Variants in ATP10B observed in about 807,000 individuals in gnomAD.
ATP10B encodes the protein phospholipid-transporting ATPase VB.
A neutral mutation model predicts 141.2 loss-of-function variants in ATP10B; 122 were observed. The ratio of observed to expected loss-of-function variants is 0.86; its 90% CI spans 0.75 to 1.00. The LOEUF (loss-of-function observed/expected upper bound fraction) is 1.00. ATP10B is among the 50% of genes least tolerant of loss of function. The pLI, the probability that ATP10B is intolerant of heterozygous loss-of-function variation, is 0.00. For synonymous variants in ATP10B, 685 were observed against 692.0 expected, an observed-to-expected ratio of 0.99 and a Z score of 0.16; for missense variants, 1,876 against 1,825.3, an observed-to-expected ratio of 1.03 and a Z score of -0.51.
intron 13 of ATP10B, among the ~76,000 whole-genome samples, chr5:160,631,198 G>T (rs948350588): frequency 1.3e-5 from 2 of 152,162 alleles, no homozygotes; most frequent in African/African-American, 2.4e-5. Context: ...AGATTGCTGG[G>T]GCTCCCTGTG....
chr5:160,709,531 G>C (rs973793912), intron 3 of ATP10B, among the ~76,000 whole-genome samples: 3 of 151,762 alleles, frequency 2.0e-5, no homozygotes, highest in African/African-American at 4.8e-5. Context: ...GGTGAAAAAT[G>C]AGAAGTCTAA....
At chr5:160,891,491 C>T in the ATP10B span, among the ~76,000 whole-genome samples, 4 of 152,050 alleles carry the variant, frequency 2.6e-5, no homozygotes, top group South Asian at 2.1e-4. Context: ...AGTCTCGCTC[C>T]GTCACCCAGG....
chr5:160,887,624 T>G, the ATP10B span, among the ~76,000 whole-genome samples: 1 of 152,160 alleles, frequency 6.6e-6, no homozygotes, highest in Non-Finnish European at 1.5e-5. Flanking sequence ...GACCTCAACC[T>G]TGCTGTGTCT....
chr5:160,760,302 A>G (rs1283199869), intron 2 of ATP10B, among the ~76,000 whole-genome samples: 5 of 152,198 alleles, frequency 3.3e-5, no homozygotes, highest in Non-Finnish European at 5.9e-5. Context: ...GCATTTTGAA[A>G]TAAGCAATAA....
At chr5:160,884,049 AC>A in the ATP10B span, among the ~76,000 whole-genome samples, 1 of 152,174 alleles carries the variant, frequency 6.6e-6, no homozygotes, top group Non-Finnish European at 1.5e-5. Flanking sequence ...ATTTTTCTCT[AC>A]AGCATATTGT....
chr5:160,894,128 C>A, the ATP10B span, among the ~76,000 whole-genome samples: 1 of 152,010 alleles, frequency 6.6e-6, no homozygotes, highest in Non-Finnish European at 1.5e-5. Flanking sequence ...TAAACCAGAA[C>A]GCGCCTCTTC....
At chr5:160,679,489 C>T (rs549930474) in intron 6 of ATP10B, among the ~76,000 whole-genome samples, 7 of 152,322 alleles carry the variant, frequency 4.6e-5, no homozygotes, top group African/African-American at 1.7e-4. Context: ...TCCTTCAGGG[C>T]TCTCCTGAAA....
chr5:160,841,520 A>G (rs1775808727), intron 1 of ATP10B, among the ~76,000 whole-genome samples: 1 of 152,172 alleles, frequency 6.6e-6, no homozygotes, highest in African/African-American at 2.4e-5. Context: ...TTTGATATTT[A>G]GATGTAGTTT....
intron 24 of ATP10B, among the ~76,000 whole-genome samples, chr5:160,582,746 A>C (rs1755635108): frequency 6.6e-6 from 1 of 152,104 alleles, no homozygotes; most frequent in African/African-American, 2.4e-5. Flanking sequence ...CTTTTCACAT[A>C]GTTCCATATT....
intron 2 of ATP10B, among the ~76,000 whole-genome samples, chr5:160,753,658 C>A (rs1768315421): frequency 6.6e-6 from 1 of 152,112 alleles, no homozygotes; most frequent in South Asian, 2.1e-4. Flanking sequence ...TTCCCAACAG[C>A]TATTATGTGG....
At chr5:160,693,911 C>T (rs1764223170) in intron 3 of ATP10B, among the ~76,000 whole-genome samples, 1 of 152,202 alleles carries the variant, frequency 6.6e-6, no homozygotes, top group African/African-American at 2.4e-5. Context: ...TGCTATGGGC[C>T]CGTGGCCCAG....
intron 7 of ATP10B, among the ~76,000 whole-genome samples, chr5:160,653,003 TTA>T (rs1760995330): frequency 1.9e-5 from 2 of 105,512 alleles, no homozygotes; most frequent in Non-Finnish European, 3.4e-5. Flanking sequence ...TATTTATATA[TTA>T]TATATATTTA....
chr5:160,742,108 C>A (rs183778067), intron 2 of ATP10B, among the ~76,000 whole-genome samples: 4 of 152,166 alleles, frequency 2.6e-5, no homozygotes, highest in African/African-American at 4.8e-5. Flanking sequence ...GACTCTTAGT[C>A]TATTGGGTTA....
At chr5:160,680,851 C>G (rs1763350283) in intron 6 of ATP10B, among the ~76,000 whole-genome samples, 1 of 152,132 alleles carries the variant, frequency 6.6e-6, no homozygotes, top group South Asian at 2.1e-4. Context: ...TGAGGAGGCT[C>G]TAGGGAGTAG....
chr5:160,887,917 C>T, the ATP10B span, among the ~76,000 whole-genome samples: 3 of 152,214 alleles, frequency 2.0e-5, no homozygotes, highest in Non-Finnish European at 4.4e-5. Flanking sequence ...AACTGCTAAC[C>T]TATGATATTG....
rs527377707 is a variant in ATP10B, at chr5:160,785,563, T to C, written c.-335A>G. 1.0e-4 allele frequency: 71 copies of C among 711,506 alleles called. No individual in the cohort carries two copies. In the African/African-American group the frequency reaches 1.1e-3, roughly 11 times the overall value. The allele number at this position is 711,506 out of a possible 1,614,324, so 44.1% of individuals were successfully genotyped here. A position where few individuals can be genotyped will look rare whatever the true frequency, so the allele number is the denominator to read the frequency against. ...CCCAAGAAGTAAAGATAGTACCTGA[T>C]AGGTAGATTTCAAGTCTTGTTCCTC... On this transcript the variant is annotated 5_prime_UTR_variant, in exon 2 of 26. Transcript: ENST00000327245.
At chr5:160,795,133 C>T (rs1195975813) in intron 1 of ATP10B, among the ~76,000 whole-genome samples, 1 of 152,132 alleles carries the variant, frequency 6.6e-6, no homozygotes, top group Admixed American at 6.6e-5. Flanking sequence ...TGGTATGGTA[C>T]ATAAGCTATT....
intron 1 of ATP10B, among the ~76,000 whole-genome samples, chr5:160,849,349 A>T (rs1437297283): frequency 6.6e-6 from 1 of 152,136 alleles, no homozygotes; most frequent in East Asian, 1.9e-4. Context: ...TTTATCTAAG[A>T]GACAAAAGTA....
rs375585395 is a variant in ATP10B, at chr5:160,687,988, C to T, written c.87G>A (p.Pro29=). 111 of 1,614,028 alleles carry T rather than the reference C, an allele frequency of 6.9e-5. No homozygotes were observed. The highest frequency in any genetic ancestry group is 6.6e-4 in the Middle Eastern group (4 of 6,036). The change falls in exon 5 of 26, where the codon CCG becomes CCA. Residue 29 remains proline, a synonymous_variant. Transcript: ENST00000327245. ...GTCTCCCTTTCTCTGGAGAGAGCAGCGGTGTGGTTTCCGATGGACAATGGG... is the reference window on the plus strand; with the variant it reads ...GTCTCCCTTTCTCTGGAGAGAGCAGTGGTGTGGTTTCCGATGGACAATGGG... ...GFPHCPSETT[P]LLSPEKGRQS...
Sources: gnomAD v4.1 joint callset for allele counts (sites outside exome capture counted in the v4.1 genomes callset) on GRCh38, gnomAD v4.1.1 for gene constraint, MANE v1.5 for transcripts, NCBI Gene and HGNC (gene_info 2026-07-23, HGNC 2026-07-21) for gene names.